FETUB: variants seen among roughly 807,000 people sequenced by gnomAD.
FETUB encodes fetuin B.
FETUB carries 28 observed loss-of-function variants against 30.9 expected under a neutral mutation model. That is an observed-to-expected ratio of 0.90 (90% CI 0.67 to 1.24). FETUB has a LOEUF of 1.24. Ranked by LOEUF, FETUB falls within the 50% of genes most tolerant of loss-of-function variation. The pLI, the probability that FETUB is intolerant of heterozygous loss-of-function variation, is 0.00. For missense variants in FETUB, 469 were observed against 455.3 expected (o/e 1.03, Z -0.27); for synonymous variants, 186 against 175.9 (o/e 1.06, Z -0.45).
At chr3:186,646,176 G>T (rs1163658877) in intron 4 of FETUB, 72 bp from the exon 5 acceptor site, 11 of 1,049,040 alleles carry the variant, frequency 1.0e-5, no homozygotes, top group Non-Finnish European at 1.6e-5. Context: ...TAGATATAAC[G>T]CTGCCAAACC....
chr3:186,646,784 G>A (rs1269639755), intron 5 of FETUB, among the ~76,000 whole-genome samples: 1 of 152,192 alleles, frequency 6.6e-6, no homozygotes, highest in East Asian at 1.9e-4. Context: ...ATGTGTTGGA[G>A]TGCAACTGGG....
At chr3:186,646,845 A>C (rs777656461) in intron 5 of FETUB, among the ~76,000 whole-genome samples, 6 of 152,212 alleles carry the variant, frequency 3.9e-5, no homozygotes, top group Non-Finnish European at 8.8e-5. Flanking sequence ...TAACAGCTTT[A>C]TTAAGAAATA....
At chr3:186,644,129 C>T (rs931049533) in intron 3 of FETUB, among the ~76,000 whole-genome samples, 4 of 152,148 alleles carry the variant, frequency 2.6e-5, no homozygotes, top group Non-Finnish European at 5.9e-5. Context: ...GTGTCGGGAA[C>T]ATTCAATACC....
intron 4 of FETUB, 88 bp from the exon 5 acceptor site, chr3:186,646,160 T>G: frequency 1.2e-6 from 1 of 859,080 alleles, no homozygotes; most frequent in Non-Finnish European, 2.0e-6. Context: ...TGACATATTG[T>G]TTCTGTAGAT....
upstream of FETUB, among the ~76,000 whole-genome samples, chr3:186,638,060 T>C (rs1716826620): frequency 6.6e-6 from 1 of 152,256 alleles, no homozygotes; most frequent in African/African-American, 2.4e-5. Context: ...ATTGAAATTA[T>C]AATATTTTGG....
chr3:186,652,296 A>T lies in FETUB; in HGVS notation c.814A>T (p.Asn272Tyr), dbSNP rs774610557. The stretch of plus-strand genomic sequence containing the variant: ...CACTGGAAGTGAAAACTCTGCTGTT[A>T]ACCAGAAACCTACAAACCTTCCCAA... ...PATGSENSAV[N>Y]QKPTNLPKVE... The change falls in exon 7 of 7, where the codon AAC (asparagine) becomes TAC (tyrosine). Residue 272 changes from asparagine (N) to tyrosine (Y), a missense_variant. By Grantham distance (143) the Asn-to-Tyr change is moderately radical (BLOSUM62 -2). Transcript: ENST00000265029. 1.3e-6 allele frequency: 2 copies of T among 1,565,210 alleles called. No individual in the cohort carries two copies. The highest frequency in any genetic ancestry group is 1.2e-5 in the South Asian group (1 of 81,460).
Position 186,640,696 on chromosome 3 carries a change from A to G in FETUB, c.225+11A>G. 2 of 1,606,402 alleles carry G rather than the reference A, an allele frequency of 1.2e-6. No individual in the cohort carries two copies. The highest frequency in any genetic ancestry group is 1.7e-6 in the Non-Finnish European group (2 of 1,173,028). Reference sequence around the variant, plus strand: ...CAGGAATACAGACGGGCAAGTAGGGACAGTTCCCACTCTGGGGCAGGGATG... The same window carrying G: ...CAGGAATACAGACGGGCAAGTAGGGGCAGTTCCCACTCTGGGGCAGGGATG... On this transcript the variant is annotated intron_variant, in intron 1 of 6. Transcript: ENST00000265029.
At chr3:186,650,842 T>C (rs187555480) in intron 5 of FETUB, among the ~76,000 whole-genome samples, 1 of 152,298 alleles carries the variant, frequency 6.6e-6, no homozygotes, top group Admixed American at 6.5e-5. Context: ...AGAAGAGAAA[T>C]GTCAGGTGGA....
rs76189223 is a variant in FETUB, at chr3:186,644,981, C to G, written c.594+61C>G. 1.9e-3 allele frequency: 2,562 copies of G among 1,379,024 alleles called. 42 individuals are homozygous for G. In the African/African-American group the frequency reaches 0.033, roughly 18 times the overall value. 85.4% of individuals were successfully genotyped at this position (1,379,024 alleles called of 1,614,324 possible). On this transcript the variant is annotated intron_variant, in intron 4 of 6. Transcript: ENST00000265029. The stretch of plus-strand genomic sequence containing the variant: ...TGTCTCATAACTGTTGCTGTAGGTT[C>G]CTAAGCTGGGAGGAAAATGTCAAGG...
chr3:186,647,823 C>T (rs1329259862), intron 5 of FETUB, among the ~76,000 whole-genome samples: 1 of 152,022 alleles, frequency 6.6e-6, no homozygotes, highest in Non-Finnish European at 1.5e-5. Flanking sequence ...CTTTGAAATA[C>T]AGAAGTTTTA....
At chr3:186,651,779 C>A in intron 6 of FETUB, 1 of 183,428 alleles carries the variant, frequency 5.5e-6, no homozygotes, top group Non-Finnish European at 1.1e-5. Flanking sequence ...TGCTCTGGTA[C>A]CTGTGAGCTG....
chr3:186,640,935 T>C, intron 1 of FETUB, 95 bp from the exon 2 acceptor site: 1 of 786,908 alleles, frequency 1.3e-6, no homozygotes, highest in South Asian at 1.6e-5. Flanking sequence ...ACAAATATTC[T>C]TTGGCTTTGC....
At chr3:186,638,835 C>T (rs1716853132), upstream of FETUB, among the ~76,000 whole-genome samples, 1 of 152,178 alleles carries the variant, frequency 6.6e-6, no homozygotes, top group Admixed American at 6.5e-5. Flanking sequence ...ATGTTTGTCT[C>T]CTCACTGGCT....
At position 186,640,694 on chromosome 3, in the gene FETUB, G is replaced by A. The variant is rs759203645; in HGVS notation, c.225+9G>A. The A allele has an allele frequency of 3.7e-6, 6 of 1,609,032 alleles. No individual in the cohort carries two copies. The highest frequency in any genetic ancestry group is 1.1e-5 in the South Asian group (1 of 90,942). ...CCCAGGAATACAGACGGGCAAGTAGGGACAGTTCCCACTCTGGGGCAGGGA... is the reference window on the plus strand; with the variant it reads ...CCCAGGAATACAGACGGGCAAGTAGAGACAGTTCCCACTCTGGGGCAGGGA... On this transcript the variant is annotated intron_variant, in intron 1 of 6. Transcript: ENST00000265029.
intron 2 of FETUB, 40 bp downstream of exon 2, chr3:186,641,180 A>G (rs1450040215): frequency 1.6e-6 from 2 of 1,221,788 alleles, no homozygotes; most frequent in South Asian, 1.3e-5. Context: ...GGCCCTAGGG[A>G]AAGCAAGTAG....
In FETUB at chr3:186,651,156, C is replaced by T. The variant is rs1717999630; in HGVS notation, c.697-62C>T. 32 of 1,076,438 alleles carry T rather than the reference C, an allele frequency of 3.0e-5. No individual in the cohort carries two copies. The South Asian group carries it at 4.0e-4, about 13-fold the overall frequency. The allele number at this position is 1,076,438 out of a possible 1,614,324, so 66.7% of individuals were successfully genotyped here. A position where few individuals can be genotyped will look rare whatever the true frequency, so the allele number is the denominator to read the frequency against. The stretch of plus-strand genomic sequence containing the variant: ...GCTGTGTATCTACACAAGTAGAAAG[C>T]TAGTTGATTTCCATCTGTGATCACT... On this transcript the variant is annotated intron_variant, in intron 5 of 6. Transcript: ENST00000265029.
intron 5 of FETUB, 118 bp downstream of exon 5, chr3:186,646,467 G>A: frequency 1.3e-6 from 1 of 753,544 alleles, no homozygotes; most frequent in Non-Finnish European, 2.3e-6. Context: ...TTCCCCTCAA[G>A]GAGCATCTGA....
In FETUB at chr3:186,640,472, C is replaced by A. The variant is rs1716939299; in HGVS notation, c.12C>A (p.Leu4=). ...TTGTTCTCCACAGAATGGGTCTGCT[C>A]CTTCCCCTGGCACTCTGCATCCTAG... MGL[L]LPLALCILVL... is the part of the protein sequence containing the mutation. The change falls in exon 1 of 7, where the codon CTC becomes CTA. Residue 4 remains leucine (L), a synonymous_variant. Transcript: ENST00000265029. 1 of 1,614,042 alleles carries A rather than the reference C, an allele frequency of 6.2e-7. No individual in the cohort carries two copies. The highest frequency in any genetic ancestry group is 1.3e-5 in the African/African-American group (1 of 74,932).
At position 186,653,077 on chromosome 3, in the gene FETUB, GT is replaced by G. The variant is rs1718198602; in HGVS notation, c.*447del. On this transcript the variant is annotated 3_prime_UTR_variant, in exon 7 of 7. Coordinates refer to ENST00000265029, the MANE Select transcript of FETUB (RefSeq NM_014375.3). The stretch of plus-strand genomic sequence containing the variant: ...TAAATTCCCTTTAATTCCAGGACAG[GT>G]ATTAGCTGCGTAGGGCCCATACCAT... 1 of 158,098 alleles carries G rather than the reference GT, an allele frequency of 6.3e-6. No homozygotes were observed. Among genetic ancestry groups the G allele is most frequent in the Non-Finnish European group, 1.4e-5 (1 of 71,240 alleles). 9.8% of individuals were successfully genotyped at this position (158,098 alleles called of 1,614,324 possible).
Sources: gnomAD v4.1 joint callset for allele counts (sites outside exome capture counted in the v4.1 genomes callset) on GRCh38, gnomAD v4.1.1 for gene constraint, MANE v1.5 for transcripts, NCBI Gene and HGNC (gene_info 2026-07-23, HGNC 2026-07-21) for gene names.